The following SAMD12 variants were observed in gnomAD, a reference collection of about 807,000 sequenced individuals.
The protein encoded by SAMD12 is sterile alpha motif domain containing 12.
In SAMD12, 9 loss-of-function variants were observed where a neutral mutation model predicts 15.0. That is an observed-to-expected ratio of 0.60 (90% CI 0.36 to 1.05). SAMD12 has a LOEUF of 1.05. Ranked by LOEUF, SAMD12 falls within the 50% of genes least tolerant of loss-of-function variation. SAMD12 has a pLI of 0.01. For missense variants in SAMD12, 230 were observed against 234.2 expected, an observed-to-expected ratio of 0.98 and a Z score of 0.12; for synonymous variants, 86 against 90.1, an observed-to-expected ratio of 0.96 and a Z score of 0.25.
At chr8:118,405,530 G>A (rs1156728754) in intron 3 of SAMD12, among the ~76,000 whole-genome samples, 1 of 152,222 alleles carries the variant, frequency 6.6e-6, no homozygotes, top group Non-Finnish European at 1.5e-5. Flanking sequence ...CTGGAAGGAT[G>A]CACATGGGAG....
exon 5 of SAMD12, chr8:118,193,247 T>C (rs1285590511): frequency 6.6e-6 from 1 of 152,250 alleles, no homozygotes; most frequent in East Asian, 1.9e-4. Flanking sequence ...TATTAAGGTG[T>C]GGTAGAACTT....
chr8:118,212,262 G>T (rs2129823253), intron 4 of SAMD12, among the ~76,000 whole-genome samples: 3 of 152,060 alleles, frequency 2.0e-5, no homozygotes, highest in Admixed American at 2.0e-4. Flanking sequence ...AGCCTCCCAA[G>T]TGGCTGGGAC....
chr8:118,249,567 C>T (rs557308058), intron 4 of SAMD12, among the ~76,000 whole-genome samples: 166 of 152,292 alleles, frequency 1.1e-3, no homozygotes, highest in African/African-American at 3.8e-3. Context: ...ACACAATTTT[C>T]TTCAGCTGTG....
chr8:118,288,236 C>T (rs1344313662), intron 4 of SAMD12: 11 of 152,246 alleles, frequency 7.2e-5, no homozygotes, highest in Admixed American at 6.5e-4. Context: ...CCCCATTTTA[C>T]AGGTGCCAAG....
At chr8:118,498,985 T>C (rs980374189) in intron 2 of SAMD12, among the ~76,000 whole-genome samples, 2 of 152,312 alleles carry the variant, frequency 1.3e-5, no homozygotes, top group Middle Eastern at 3.4e-3. Context: ...CTGGCTTATC[T>C]AGATGGAAAT....
At chr8:118,222,113 AAGAC>A (rs1227768484) in intron 4 of SAMD12, among the ~76,000 whole-genome samples, 9 of 152,206 alleles carry the variant, frequency 5.9e-5, no homozygotes, top group African/African-American at 1.9e-4. Flanking sequence ...GGTTGGCTCT[AAGAC>A]AGGTGGCAGG....
chr8:118,138,497 G>A, the SAMD12 span, among the ~76,000 whole-genome samples: 2 of 152,192 alleles, frequency 1.3e-5, no homozygotes, highest in African/African-American at 4.8e-5. Flanking sequence ...GGACACTCCT[G>A]GGAGGTGCTG....
chr8:118,621,704 C>T (rs1828412604), intron 1 of SAMD12, 100 bp downstream of exon 1: 1 of 1,406,634 alleles, frequency 7.1e-7, no homozygotes. Flanking sequence ...CCGCCACCCC[C>T]TTTCCTCGCC....
chr8:118,439,557 C>T (rs1317483295), intron 3 of SAMD12, among the ~76,000 whole-genome samples: 1 of 152,120 alleles, frequency 6.6e-6, no homozygotes, highest in East Asian at 1.9e-4. Context: ...CTATGATTGG[C>T]ATGCTCTTAT....
intron 1 of SAMD12, among the ~76,000 whole-genome samples, chr8:118,613,589 A>C (rs1828160761): frequency 6.6e-6 from 1 of 152,162 alleles, no homozygotes; most frequent in Admixed American, 6.5e-5. Context: ...CTTAATCCCT[A>C]AAAGGTCCTA....
intron 1 of SAMD12, among the ~76,000 whole-genome samples, chr8:118,599,760 A>G (rs1439136814): frequency 6.6e-6 from 1 of 152,150 alleles, no homozygotes; most frequent in Non-Finnish European, 1.5e-5. Flanking sequence ...TACTACTTGC[A>G]TAGGAATTAG....
At chr8:118,355,374 G>T (rs1441894950) in intron 4 of SAMD12, among the ~76,000 whole-genome samples, 1 of 152,142 alleles carries the variant, frequency 6.6e-6, no homozygotes, top group Admixed American at 6.5e-5. Context: ...AATAGACTTT[G>T]GGGACTTGGG....
intron 4 of SAMD12, among the ~76,000 whole-genome samples, chr8:118,205,817 C>G (rs1436970689): frequency 6.6e-6 from 1 of 152,076 alleles, no homozygotes; most frequent in Non-Finnish European, 1.5e-5. Context: ...TTGAAGGGTT[C>G]TCGTGACAAG....
At chr8:118,347,840 G>A (rs777187162) in intron 4 of SAMD12, among the ~76,000 whole-genome samples, 19 of 152,094 alleles carry the variant, frequency 1.2e-4, no homozygotes, top group Non-Finnish European at 2.2e-4. Context: ...CTTTTTTATA[G>A]AATAACTTAT....
chr8:118,140,762 G>T, the SAMD12 span, among the ~76,000 whole-genome samples: 3 of 152,166 alleles, frequency 2.0e-5, no homozygotes, highest in African/African-American at 7.2e-5. Context: ...TGGCCAATTA[G>T]TGAGTGGAAA....
the SAMD12 span, among the ~76,000 whole-genome samples, chr8:118,171,517 G>T: frequency 6.6e-6 from 1 of 152,128 alleles, no homozygotes; most frequent in Non-Finnish European, 1.5e-5. Context: ...AAGAAATGAA[G>T]TACTGATACA....
intron 2 of SAMD12, among the ~76,000 whole-genome samples, chr8:118,526,972 C>T (rs949358190): frequency 4.6e-5 from 7 of 152,204 alleles, no homozygotes; most frequent in Non-Finnish European, 1.0e-4. Flanking sequence ...TGAAGACATC[C>T]AAATGTCTTT....
chr8:118,468,204 T>A (rs1823651756), intron 2 of SAMD12, among the ~76,000 whole-genome samples: 1 of 152,146 alleles, frequency 6.6e-6, no homozygotes, highest in African/African-American at 2.4e-5. Context: ...ACAACATAAA[T>A]GGTGGAAAAA....
intron 2 of SAMD12, among the ~76,000 whole-genome samples, chr8:118,566,002 T>G (rs1459646734): frequency 6.6e-6 from 1 of 152,240 alleles, no homozygotes; most frequent in East Asian, 1.9e-4. Context: ...CTCATCTCCC[T>G]GTTTCTGTGC....
Sources: gnomAD v4.1 joint callset for allele counts (sites outside exome capture counted in the v4.1 genomes callset) on GRCh38, gnomAD v4.1.1 for gene constraint, MANE v1.5 for transcripts, NCBI Gene and HGNC (gene_info 2026-07-23, HGNC 2026-07-21) for gene names.